The following RGS7 variants were observed in gnomAD, a reference collection of about 807,000 sequenced individuals.
The protein encoded by RGS7 is regulator of G-protein signaling 7.
In RGS7, 27 loss-of-function variants were observed where a neutral mutation model predicts 81.1. The ratio of observed to expected loss-of-function variants is 0.33; its 90% CI spans 0.25 to 0.46. RGS7 has a LOEUF of 0.46. Among genes scored for constraint, RGS7 ranks in the 20% least tolerant of loss-of-function variants. The pLI, the probability that RGS7 is intolerant of heterozygous loss-of-function variation, is 1.00. For synonymous variants in RGS7, 208 were observed against 207.7 expected, an observed-to-expected ratio of 1.00 and a Z score of -0.01; for missense variants, 396 against 607.4, an observed-to-expected ratio of 0.65 and a Z score of 3.66.
intron 2 of RGS7, among the ~76,000 whole-genome samples, chr1:241,347,841 C>T (rs1343013613): frequency 2.6e-5 from 4 of 152,076 alleles, no homozygotes; most frequent in Non-Finnish European, 4.4e-5. Context: ...ATTATATCTA[C>T]CATTCCCTTA....
At chr1:241,087,936 A>C (rs2063546792) in intron 3 of RGS7, among the ~76,000 whole-genome samples, 2 of 144,454 alleles carry the variant, frequency 1.4e-5, no homozygotes, top group African/African-American at 5.1e-5. Flanking sequence ...GCCACAGAGC[A>C]AGACTCCATC....
Position 240,776,074 on chromosome 1 carries a change from T to C in RGS7, c.*146A>G, listed in dbSNP as rs1178172671. On this transcript the variant is annotated 3_prime_UTR_variant, in exon 19 of 19. Coordinates refer to ENST00000440928, the MANE Select transcript of RGS7 (RefSeq NM_001364886.1). ...GGTCCTTTGCTCATGCAACATCTTG[T>C]TCTAATGTCCTCTGCTCCAGGTCAC... 1.1e-5 allele frequency: 11 copies of C among 994,002 alleles called. No individual in the cohort carries two copies. Among genetic ancestry groups the C allele is most frequent in the Non-Finnish European group, 1.8e-5 (11 of 614,246 alleles). 61.6% of individuals were successfully genotyped at this position (994,002 alleles called of 1,614,324 possible).
chr1:241,186,690 A>T (rs1235429734), intron 2 of RGS7, among the ~76,000 whole-genome samples: 14 of 148,600 alleles, frequency 9.4e-5, no homozygotes, highest in Non-Finnish European at 1.6e-4. Context: ...CACCCGGCTA[A>T]TTTTTTTTTT....
chr1:241,033,696 G>A (rs2060198149), intron 3 of RGS7, among the ~76,000 whole-genome samples: 1 of 151,948 alleles, frequency 6.6e-6, no homozygotes, highest in African/African-American at 2.4e-5. Flanking sequence ...GGCAAAGTTA[G>A]GTTAACAACT....
At chr1:241,165,378 A>T (rs1254628429) in intron 2 of RGS7, among the ~76,000 whole-genome samples, 1 of 152,066 alleles carries the variant, frequency 6.6e-6, no homozygotes, top group Non-Finnish European at 1.5e-5. Flanking sequence ...CTTGGAACCA[A>T]CCCAAATGTC....
intron 6 of RGS7, among the ~76,000 whole-genome samples, chr1:240,887,397 T>C (rs901036228): frequency 1.3e-5 from 2 of 152,000 alleles, no homozygotes; most frequent in Non-Finnish European, 2.9e-5. Flanking sequence ...CCCGGCTCAT[T>C]TTTTGTATTT....
chr1:241,068,660 G>T (rs1269666273), intron 3 of RGS7, among the ~76,000 whole-genome samples: 1 of 152,144 alleles, frequency 6.6e-6, no homozygotes, highest in African/African-American at 2.4e-5. Context: ...CTTTTCTCGA[G>T]ACAGACTTGG....
chr1:241,155,912 T>TC (rs1319087984), intron 2 of RGS7, among the ~76,000 whole-genome samples: 2 of 152,180 alleles, frequency 1.3e-5, no homozygotes, highest in Non-Finnish European at 2.9e-5. Flanking sequence ...TCCGTAAGCC[T>TC]CAAGTACTTC....
At chr1:241,067,178 A>G (rs1457831542) in intron 3 of RGS7, among the ~76,000 whole-genome samples, 1 of 152,124 alleles carries the variant, frequency 6.6e-6, no homozygotes. Flanking sequence ...TTTTACTTCT[A>G]TTACAACACT....
chr1:241,021,362 C>CA (rs746482249), intron 3 of RGS7, among the ~76,000 whole-genome samples: 24 of 152,234 alleles, frequency 1.6e-4, no homozygotes, highest in Non-Finnish European at 2.2e-4. Flanking sequence ...AAGGTTGTTT[C>CA]AAAAATCCAG....
chr1:241,109,356 C>T (rs973711468), intron 2 of RGS7, among the ~76,000 whole-genome samples: 1 of 152,130 alleles, frequency 6.6e-6, no homozygotes, highest in East Asian at 1.9e-4. Flanking sequence ...CCTCCCCCTA[C>T]CTCTCTCATC....
At chr1:241,142,111 C>T (rs746263189) in intron 2 of RGS7, among the ~76,000 whole-genome samples, 3 of 152,208 alleles carry the variant, frequency 2.0e-5, no homozygotes, top group Non-Finnish European at 2.9e-5. Flanking sequence ...TGATGCAAGA[C>T]GTGGGTCCCC....
At chr1:240,965,199 C>G (rs1447731340) in intron 4 of RGS7, among the ~76,000 whole-genome samples, 1 of 152,204 alleles carries the variant, frequency 6.6e-6, no homozygotes, top group Non-Finnish European at 1.5e-5. Flanking sequence ...TCAACTCTCT[C>G]CTAGGCCTCT....
Position 240,836,642 on chromosome 1 carries a change from C to A in RGS7, c.610-9470G>T, listed in dbSNP as rs963933324. ...ATACAATGTTTGTATTTGCTGAAGT[C>A]TCCAAAGGGAATGCAACTCTTTATG... On this transcript the variant is annotated intron_variant, in intron 9 of 18. Coordinates refer to ENST00000440928, the MANE Select transcript of RGS7 (RefSeq NM_001364886.1). Among the ~76,000 whole-genome samples the A allele has an allele frequency of 4.6e-5, 7 of 152,196 alleles. 1 individual carries two copies. Among genetic ancestry groups the A allele is most frequent in the African/African-American group, 1.7e-4 (7 of 41,446 alleles).
intron 6 of RGS7, among the ~76,000 whole-genome samples, chr1:240,891,207 G>GA (rs1668242362): frequency 6.6e-6 from 1 of 151,724 alleles, no homozygotes; most frequent in African/African-American, 2.4e-5. Context: ...TCACTGGGGG[G>GA]GTGGTTATGA....
intron 2 of RGS7, among the ~76,000 whole-genome samples, chr1:241,246,367 C>T (rs1012153954): frequency 2.6e-5 from 4 of 152,044 alleles, no homozygotes; most frequent in Non-Finnish European, 5.9e-5. Flanking sequence ...GGTAGTGAAC[C>T]GTGATAGAGC....
At chr1:241,330,602 A>G (rs1462365943) in intron 2 of RGS7, among the ~76,000 whole-genome samples, 1 of 152,224 alleles carries the variant, frequency 6.6e-6, no homozygotes, top group African/African-American at 2.4e-5. Flanking sequence ...TAACAGAATT[A>G]GAGTATCCAG....
intron 2 of RGS7, among the ~76,000 whole-genome samples, chr1:241,162,585 T>A (rs953785514): frequency 6.6e-6 from 1 of 152,196 alleles, no homozygotes; most frequent in African/African-American, 2.4e-5. Flanking sequence ...CTTTTGTTCC[T>A]GCCCTAAAGC....
chr1:241,017,322 T>C (rs1390250608), intron 3 of RGS7, among the ~76,000 whole-genome samples: 5 of 151,996 alleles, frequency 3.3e-5, no homozygotes, highest in African/African-American at 4.8e-5. Flanking sequence ...ACGCCTGTAA[T>C]TCCAGCTACC....
Sources: gnomAD v4.1 joint callset for allele counts (sites outside exome capture counted in the v4.1 genomes callset) on GRCh38, gnomAD v4.1.1 for gene constraint, MANE v1.5 for transcripts, NCBI Gene and HGNC (gene_info 2026-07-23, HGNC 2026-07-21) for gene names.